The following ADRA1B variants were observed in gnomAD, a reference collection of about 807,000 sequenced individuals.
ADRA1B encodes adrenoceptor alpha 1B, also known as alpha-1B adrenergic receptor.
ADRA1B carries 17 observed loss-of-function variants against 17.9 expected under a neutral mutation model. The ratio of observed to expected loss-of-function variants is 0.95; its 90% CI spans 0.65 to 1.42. The LOEUF is 1.42. ADRA1B is among the 40% of genes most tolerant of loss of function. The probability of loss-of-function intolerance (pLI) is 0.00; values close to 1 mark genes in which losing one functional copy is unlikely to be tolerated. For missense variants in ADRA1B, 681 were observed against 722.1 expected, an observed-to-expected ratio of 0.94 and a Z score of 0.65; for synonymous variants, 366 against 327.6, an observed-to-expected ratio of 1.12 and a Z score of -1.27.
downstream of ADRA1B, among the ~76,000 whole-genome samples, chr5:159,977,142 A>C (rs550444248): frequency 2.2e-4 from 34 of 152,354 alleles, 1 homozygote; most frequent in South Asian, 8.3e-4. Context: ...AAAAATGAAC[A>C]TAGCAAGCTC....
chr5:159,977,125 G>T (rs1581077284), downstream of ADRA1B, among the ~76,000 whole-genome samples: 1 of 152,144 alleles, frequency 6.6e-6, no homozygotes, highest in Admixed American at 6.5e-5. Context: ...TGTAATAAAA[G>T]CTAAAGAAAA....
chr5:159,915,836 C>A (rs74425400), upstream of ADRA1B, among the ~76,000 whole-genome samples: 1 of 152,144 alleles, frequency 6.6e-6, no homozygotes, highest in African/African-American at 2.4e-5. Context: ...TGTCTTCTGT[C>A]GGGAGAAGCT....
rs371731539 is a variant in ADRA1B at position 159,917,463 on chromosome 5, G to C, written c.558G>C (p.Glu186Asp). 2.5e-6 allele frequency: 4 copies of C among 1,614,064 alleles called. No individual in the cohort carries two copies. In the African/African-American group the frequency reaches 5.3e-5, roughly 22 times the overall value. The change falls in exon 1 of 2, where the codon GAG (glutamate) becomes GAC (aspartate). Residue 186 changes from glutamate (E) to aspartate (D), a missense_variant. This residue lies in a region of ADRA1B where 424 missense variants were observed against 480.2 expected (regional missense o/e 0.88). Coordinates refer to ENST00000306675, the MANE Select transcript of ADRA1B (RefSeq NM_000679.4). ...TCGGGCCTCTCCTTGGGTGGAAGGA[G>C]CCGGCACCCAACGATGACAAGGAGT... ...ISIGPLLGWK[E>D]PAPNDDKECG...
chr5:159,871,826 T>C (rs1753745283), intron 1 of ADRA1B, among the ~76,000 whole-genome samples: 1 of 152,216 alleles, frequency 6.6e-6, no homozygotes, highest in South Asian at 2.1e-4. Context: ...AATGCCAATT[T>C]TGAATGACTT....
At chr5:159,928,824 G>C (rs1016025193) in intron 1 of ADRA1B, among the ~76,000 whole-genome samples, 2 of 152,192 alleles carry the variant, frequency 1.3e-5, no homozygotes, top group South Asian at 4.1e-4. Flanking sequence ...GCACTGGGCC[G>C]GGCGGAGATC....
intron 1 of ADRA1B, among the ~76,000 whole-genome samples, chr5:159,923,638 A>T: frequency 6.6e-6 from 1 of 152,276 alleles, no homozygotes. Context: ...AATCTGCCAG[A>T]CACTCTCATA....
intron 1 of ADRA1B, among the ~76,000 whole-genome samples, chr5:159,931,474 T>A (rs1231270958): frequency 6.6e-6 from 1 of 151,928 alleles, no homozygotes; most frequent in African/African-American, 2.4e-5. Flanking sequence ...CAGTTCAAAA[T>A]CATGCTGTCA....
intron 1 of ADRA1B, among the ~76,000 whole-genome samples, chr5:159,953,887 G>A (rs1008260685): frequency 6.6e-6 from 1 of 151,564 alleles, no homozygotes; most frequent in African/African-American, 2.4e-5. Context: ...TGTGAAAAGA[G>A]CTGGTGAAAA....
chr5:159,954,639 T>C (rs551324031), intron 1 of ADRA1B, among the ~76,000 whole-genome samples: 1 of 152,030 alleles, frequency 6.6e-6, no homozygotes, highest in African/African-American at 2.4e-5. Context: ...ACAAGGAAGG[T>C]AGTGTCCCTG....
Position 159,972,215 on chromosome 5 carries a change from G to T in ADRA1B, c.1286G>T (p.Gly429Val). Residue 429 changes from glycine (G) to valine (V), a missense_variant, in exon 2 of 2, where the codon GGC (glycine) becomes GTC (valine). By Grantham distance (109) the Gly-to-Val change is moderately radical (BLOSUM62 -3). Coordinates refer to ENST00000306675, the MANE Select transcript of ADRA1B (RefSeq NM_000679.4). ...CTGCCCTCGGCCTCGCCGAGCCCGG[G>T]CTACCTGGGCCGCGGCGCGCCACCG... ...RTLPSASPSP[G>V]YLGRGAPPPV... is the part of the protein sequence containing the mutation. 7.4e-7 allele frequency: 1 copy of T among 1,357,496 alleles called. No homozygotes were observed. Among genetic ancestry groups the T allele is most frequent in the South Asian group, 1.7e-5 (1 of 59,864 alleles). 84.1% of individuals were successfully genotyped at this position (1,357,496 alleles called of 1,614,324 possible).
At chr5:159,980,871 G>A in the ADRA1B span, among the ~76,000 whole-genome samples, 96 of 152,216 alleles carry the variant, frequency 6.3e-4, no homozygotes, top group South Asian at 2.3e-3. Flanking sequence ...ACTCTCTCTC[G>A]AGGGTAGATT....
At chr5:159,888,366 T>G (rs1301051372) in intron 1 of ADRA1B, 3 of 152,014 alleles carry the variant, frequency 2.0e-5, no homozygotes, top group Admixed American at 1.3e-4. Flanking sequence ...TTTTGAATAG[T>G]GCATACGAGT....
intron 1 of ADRA1B, among the ~76,000 whole-genome samples, chr5:159,964,255 T>C (rs77665535): frequency 0.1 from 15,499 of 152,206 alleles, 1,104 homozygotes; most frequent in Non-Finnish European, 0.15. Context: ...ATCCTTTAGG[T>C]TCCTCAGAGA....
chr5:159,880,618 G>C (rs531380333), intron 1 of ADRA1B, among the ~76,000 whole-genome samples: 11 of 152,312 alleles, frequency 7.2e-5, no homozygotes, highest in African/African-American at 2.6e-4. Flanking sequence ...CTCAAGTCAA[G>C]TGGTTCCATC....
intron 1 of ADRA1B, among the ~76,000 whole-genome samples, chr5:159,894,768 A>G (rs949216236): frequency 6.6e-6 from 1 of 152,196 alleles, no homozygotes; most frequent in Non-Finnish European, 1.5e-5. Flanking sequence ...CCTCACACGC[A>G]TTCTCTCGTG....
downstream of ADRA1B, among the ~76,000 whole-genome samples, chr5:159,977,287 T>G (rs139996435): frequency 3.2e-4 from 49 of 152,264 alleles, 1 homozygote; most frequent in African/African-American, 1.1e-3. Flanking sequence ...TGATGAATCT[T>G]GCCCCGTGTT....
the ADRA1B span, among the ~76,000 whole-genome samples, chr5:159,985,645 G>T: frequency 6.6e-6 from 1 of 152,208 alleles, no homozygotes; most frequent in African/African-American, 2.4e-5. Context: ...ACACATCAGG[G>T]CTCCTTTTTC....
chr5:159,976,698 A>G (rs1159468398), downstream of ADRA1B, among the ~76,000 whole-genome samples: 2 of 152,200 alleles, frequency 1.3e-5, no homozygotes, highest in South Asian at 2.1e-4. Context: ...CGTTACTTAA[A>G]AAGGTCATCA....
At chr5:159,891,075 TG>T (rs1306682813) in intron 1 of ADRA1B, among the ~76,000 whole-genome samples, 2 of 152,184 alleles carry the variant, frequency 1.3e-5, no homozygotes, top group Non-Finnish European at 2.9e-5. Context: ...CCCTCTAAGA[TG>T]GTAGCTATGC....
Sources: allele counts gnomAD v4.1 joint callset (sites outside exome capture counted in the v4.1 genomes callset), GRCh38; gene constraint gnomAD v4.1.1; regional missense constraint gnomAD v4.1.1; transcripts MANE v1.5; gene names NCBI Gene and HGNC (gene_info 2026-07-23, HGNC 2026-07-21).